Variants in FGF14 observed in about 807,000 individuals in gnomAD.
The protein encoded by FGF14 is fibroblast growth factor 14.
In FGF14, 5 loss-of-function variants were observed where a neutral mutation model predicts 25.5. The ratio of observed to expected loss-of-function variants is 0.20; its 90% confidence interval spans 0.10 to 0.41. FGF14 has a LOEUF of 0.41. FGF14 is among the 10% of genes least tolerant of loss of function. The pLI is 1.00. For synonymous variants in FGF14, 138 were observed against 118.3 expected, an observed-to-expected ratio of 1.17 and a Z score of -1.08; for missense variants, 222 against 320.1, an observed-to-expected ratio of 0.69 and a Z score of 2.34.
Position 101,714,478 on chromosome 13 carries a change from G to A in FGF14, c.*8353C>T, listed in dbSNP as rs996790086. On this transcript the variant is annotated 3_prime_UTR_variant, in exon 5 of 5. Transcript: ENST00000376143. Reference sequence around the variant, plus strand: ...GGAAGTGCATTTGTTCTGCTGAAGAGTGGTATATTTCTGGGGAGTTCTGTG... The same window carrying A: ...GGAAGTGCATTTGTTCTGCTGAAGAATGGTATATTTCTGGGGAGTTCTGTG... The A allele has an allele frequency of 6.2e-7, 1 of 1,612,778 alleles. No individual in the cohort carries two copies. The highest frequency in any genetic ancestry group is 8.5e-7 in the Non-Finnish European group (1 of 1,178,886).
At chr13:101,888,966 T>G (rs1228306767) in intron 1 of FGF14, among the ~76,000 whole-genome samples, 12 of 152,176 alleles carry the variant, frequency 7.9e-5, no homozygotes, top group African/African-American at 2.9e-4. Flanking sequence ...GTCATTAGGT[T>G]GGGCCTTAGT....
rs184971990 is a variant in FGF14 at position 101,928,825 on chromosome 13, G to T, written c.209-53529C>A. Among the ~76,000 whole-genome samples, 371 of 141,470 alleles carry T rather than the reference G, an allele frequency of 2.6e-3. 4 individuals are homozygous for T. The highest frequency in any genetic ancestry group is 0.01 in the African/African-American group (351 of 34,914). The allele number at this position is 141,470 out of a possible 152,430, so 92.8% of individuals were successfully genotyped here. A position where few individuals can be genotyped will look rare whatever the true frequency, so the allele number is the denominator to read the frequency against. The stretch of plus-strand genomic sequence containing the variant: ...AAGAGTGGCCATTATACTCTCTCCA[G>T]AGCATTTCTGGAACATGGCTATCTC... On this transcript the variant is annotated intron_variant, in intron 1 of 4. Coordinates refer to the FGF14 transcript ENST00000376131.
At chr13:102,310,840 T>C (rs187620745) in intron 1 of FGF14, among the ~76,000 whole-genome samples, 1 of 151,870 alleles carries the variant, frequency 6.6e-6, no homozygotes, top group African/African-American at 2.4e-5. Context: ...AACTAATCAT[T>C]TGGGGCCAGA....
intron 1 of FGF14, among the ~76,000 whole-genome samples, chr13:102,007,029 C>T (rs1199714551): frequency 1.3e-5 from 2 of 152,014 alleles, no homozygotes; most frequent in African/African-American, 4.8e-5. Flanking sequence ...CAGGCGTGAG[C>T]CACCGCGCCC....
intron 1 of FGF14, among the ~76,000 whole-genome samples, chr13:102,378,153 C>T (rs1165043457): frequency 6.6e-6 from 1 of 152,102 alleles, no homozygotes; most frequent in South Asian, 2.1e-4. Flanking sequence ...TGTCTAAACC[C>T]ATGGAGCACA....
At chr13:101,927,563 G>T (rs2034449934) in intron 1 of FGF14, among the ~76,000 whole-genome samples, 1 of 152,174 alleles carries the variant, frequency 6.6e-6, no homozygotes, top group South Asian at 2.1e-4. Context: ...ACAAAGTTTA[G>T]ATCTGAGCCC....
In FGF14 at chr13:101,872,361, A is replaced by T. The variant is rs187533453; in HGVS notation, c.304+2825T>A. ...ATTTTTTATAACTCCCTGAATACAA[A>T]CCATGGGTTGGTTATTCATAACTAG... On this transcript the variant is annotated intron_variant, in intron 2 of 4. Coordinates refer to ENST00000376143, the MANE Select transcript of FGF14 (RefSeq NM_004115.4). Among the ~76,000 whole-genome samples, 926 of 150,934 alleles carry T rather than the reference A, an allele frequency of 6.1e-3. 7 individuals carry two copies. Among genetic ancestry groups the T allele is most frequent in the Admixed American group, 0.013 (193 of 15,202 alleles).
At chr13:101,878,669 T>C (rs1212973295) in intron 1 of FGF14, among the ~76,000 whole-genome samples, 1 of 152,068 alleles carries the variant, frequency 6.6e-6, no homozygotes. Context: ...CAAAAACAAA[T>C]GATGATCTAT....
intron 1 of FGF14, among the ~76,000 whole-genome samples, chr13:102,355,290 T>C (rs941051402): frequency 1.4e-4 from 22 of 152,162 alleles, no homozygotes; most frequent in African/African-American, 4.8e-4. Context: ...CATTAACGAC[T>C]GTTCAATGAA....
At chr13:101,893,674 G>T (rs1057046917) in intron 1 of FGF14, among the ~76,000 whole-genome samples, 1 of 152,116 alleles carries the variant, frequency 6.6e-6, no homozygotes, top group African/African-American at 2.4e-5. Context: ...ACGTGATAAG[G>T]AATGTAGATG....
At chr13:102,025,358 A>G (rs1394162884) in intron 1 of FGF14, among the ~76,000 whole-genome samples, 1 of 151,996 alleles carries the variant, frequency 6.6e-6, no homozygotes, top group East Asian at 1.9e-4. Flanking sequence ...TTCTATTTAT[A>G]TAGGCATTAT....
chr13:102,140,043 AC>A (rs35520744), intron 1 of FGF14, among the ~76,000 whole-genome samples: 10,603 of 82,294 alleles, frequency 0.13, 492 homozygotes, highest in Middle Eastern at 0.28. Context: ...ACTCTTCAAG[AC>A]CCCCCCCCCC....
At chr13:101,890,379 C>T (rs541317305) in intron 1 of FGF14, among the ~76,000 whole-genome samples, 4 of 152,120 alleles carry the variant, frequency 2.6e-5, no homozygotes, top group East Asian at 3.9e-4. Context: ...AACGGACTAA[C>T]GCTGACTGCC....
intron 3 of FGF14, among the ~76,000 whole-genome samples, chr13:101,809,851 G>GTTTTT (rs561817738): frequency 6.6e-6 from 1 of 151,668 alleles, no homozygotes; most frequent in Non-Finnish European, 1.5e-5. Flanking sequence ...ACCCTATAAG[G>GTTTTT]TTTTTTTTCC....
At chr13:101,933,881 C>A (rs1594766037) in intron 1 of FGF14, among the ~76,000 whole-genome samples, 1 of 151,944 alleles carries the variant, frequency 6.6e-6, no homozygotes, top group Non-Finnish European at 1.5e-5. Flanking sequence ...ACAAATAATA[C>A]TTTATATATG....
intron 1 of FGF14, among the ~76,000 whole-genome samples, chr13:102,262,346 T>C (rs553506416): frequency 6.6e-6 from 1 of 152,144 alleles, no homozygotes; most frequent in Non-Finnish European, 1.5e-5. Context: ...CTACCTACTA[T>C]TGCTTGGACC....
At chr13:101,738,769 A>G (rs2036344901) in intron 3 of FGF14, among the ~76,000 whole-genome samples, 1 of 151,960 alleles carries the variant, frequency 6.6e-6, no homozygotes, top group Non-Finnish European at 1.5e-5. Flanking sequence ...TTAATGAATT[A>G]TATTGTCTTA....
chr13:101,781,944 C>T (rs1171862343), intron 3 of FGF14, among the ~76,000 whole-genome samples: 1 of 152,174 alleles, frequency 6.6e-6, no homozygotes, highest in Non-Finnish European at 1.5e-5. Flanking sequence ...TCTGGCTCTC[C>T]TTTCCAACTT....
chr13:102,039,759 A>G (rs1449019348), intron 1 of FGF14, among the ~76,000 whole-genome samples: 1 of 152,110 alleles, frequency 6.6e-6, no homozygotes, highest in African/African-American at 2.4e-5. Context: ...ATCTCTCTTT[A>G]GGGGATGTAA....
Sources: gnomAD v4.1 joint callset for allele counts (sites outside exome capture counted in the v4.1 genomes callset) on GRCh38, gnomAD v4.1.1 for gene constraint, MANE v1.5 for transcripts, NCBI Gene and HGNC (gene_info 2026-07-23, HGNC 2026-07-21) for gene names.